MPRIP: variants seen among roughly 807,000 people sequenced by gnomAD.
MPRIP encodes the protein myosin phosphatase Rho interacting protein.
MPRIP carries 59 observed loss-of-function variants against 234.9 expected under a neutral mutation model. The ratio of observed to expected loss-of-function variants is 0.25; its 90% CI spans 0.20 to 0.31. The LOEUF (loss-of-function observed/expected upper bound fraction) is 0.31, where lower values mean the gene tolerates loss of function less well. Ranked by LOEUF, MPRIP falls within the 10% of genes least tolerant of loss-of-function variation. The pLI is 1.00. For missense variants in MPRIP, 2,436 were observed against 3,071.0 expected (o/e 0.79, Z 4.89); for synonymous variants, 1,144 against 1,263.9 (o/e 0.91, Z 2.01).
intron 5 of MPRIP, among the ~76,000 whole-genome samples, chr17:17,132,698 C>A (rs2090621269): frequency 6.6e-6 from 1 of 152,230 alleles, no homozygotes; most frequent in Non-Finnish European, 1.5e-5. Flanking sequence ...CTGATGGAGT[C>A]AGCCTGGGCC....
rs1413235449 is a variant in MPRIP, at chr17:17,191,768, CAGCTAGG to C, written c.*6876_*6882del. On this transcript the variant is annotated 3_prime_UTR_variant, in exon 24 of 24. Coordinates refer to ENST00000651222, the MANE Select transcript of MPRIP (RefSeq NM_001364716.4). ...GGTGTCACATCCTTAGTTTTATAGA[CAGCTAGG>C]AATAGATTGTGAAGAACACTCAGTT... 1 of 152,262 alleles carries C rather than the reference CAGCTAGG, an allele frequency of 6.6e-6. No homozygotes were observed. Among genetic ancestry groups the C allele is most frequent in the East Asian group, 1.9e-4 (1 of 5,200 alleles). 9.4% of individuals were successfully genotyped at this position (152,262 alleles called of 1,614,324 possible).
At chr17:17,155,477 C>T (rs568029917) in intron 13 of MPRIP, among the ~76,000 whole-genome samples, 2 of 152,306 alleles carry the variant, frequency 1.3e-5, no homozygotes, top group Admixed American at 6.5e-5. Flanking sequence ...CTCGTGACCT[C>T]AGGTGATCCA....
chr17:17,144,114 G>T (rs1226377756), intron 9 of MPRIP, among the ~76,000 whole-genome samples: 1 of 152,230 alleles, frequency 6.6e-6, no homozygotes, highest in Non-Finnish European at 1.5e-5. Context: ...ATGGGCCTCA[G>T]AGCTATGACA....
intron 14 of MPRIP, among the ~76,000 whole-genome samples, chr17:17,159,621 T>G (rs2045818664): frequency 1.3e-5 from 2 of 152,228 alleles, no homozygotes; most frequent in African/African-American, 2.4e-5. Context: ...GCCCCCGAAC[T>G]ATAAAATAAG....
intron 15 of MPRIP, among the ~76,000 whole-genome samples, chr17:17,161,714 G>C (rs984742263): frequency 1.3e-5 from 2 of 152,182 alleles, no homozygotes; most frequent in African/African-American, 4.8e-5. Context: ...TTTCACTATA[G>C]TAATATTGGA....
chr17:17,167,678 G>C lies in MPRIP; in HGVS notation c.6087G>C (p.Arg2029Ser). 7.7e-7 allele frequency: 1 copy of C among 1,304,178 alleles called. No homozygotes were observed. The allele number at this position is 1,304,178 out of a possible 1,614,324, so 80.8% of individuals were successfully genotyped here. The change falls in exon 16 of 24, where the codon AGG becomes AGC. Residue 2029 changes from arginine to serine, a missense_variant. By Grantham distance (110) the Arg-to-Ser change is moderately radical. Around this residue, in one of 4 missense-constraint regions of MPRIP, gnomAD observed 1,998 missense variants for 2,520.3 expected, o/e 0.79. Coordinates refer to ENST00000651222, the MANE Select transcript of MPRIP (RefSeq NM_001364716.4). The surrounding 1 kb of genome is among the most constrained non-coding windows in gnomAD (Gnocchi z 5.9). ...TLQEHYSQSL[R>S]CLQDTLCLHQ... ...AGGAGCACTACTCGCAGAGCCTGAGGTGCCTTCAGGACACCCTCTGCCTCC... is the reference window on the plus strand; with the variant it reads ...AGGAGCACTACTCGCAGAGCCTGAGCTGCCTTCAGGACACCCTCTGCCTCC...
At chr17:17,098,430 C>G (rs2089893747) in intron 3 of MPRIP, among the ~76,000 whole-genome samples, 1 of 152,174 alleles carries the variant, frequency 6.6e-6, no homozygotes, top group Non-Finnish European at 1.5e-5. Context: ...CTTCTCTCCC[C>G]CGACCCTCGG....
chr17:17,166,906 C>T lies in MPRIP; in HGVS notation c.5315C>T (p.Pro1772Leu). 2 of 1,304,214 alleles carry T rather than the reference C, an allele frequency of 1.5e-6. No individual in the cohort carries two copies. The highest frequency in any genetic ancestry group is 1.0e-6 in the Non-Finnish European group (1 of 988,958). The allele number at this position is 1,304,214 out of a possible 1,614,324, so 80.8% of individuals were successfully genotyped here. Residue 1772 changes from proline (P) to leucine (L), a missense_variant, in exon 16 of 24, where the codon CCT becomes CTT. This residue lies in a region of MPRIP where 1,998 missense variants were observed against 2,520.3 expected (regional missense o/e 0.79). Transcript: ENST00000651222. The surrounding 1 kb of genome is among the most constrained non-coding windows in gnomAD (Gnocchi z 4.4). ...QEPFDVSDQS[P>L]GAFVAIQEEL... The stretch of plus-strand genomic sequence containing the variant: ...CCCTTCGATGTGTCTGACCAGAGCC[C>T]TGGGGCCTTTGTTGCTATTCAGGAG...
intron 1 of MPRIP, among the ~76,000 whole-genome samples, chr17:17,045,223 A>C (rs1382148514): frequency 6.6e-6 from 1 of 152,200 alleles, no homozygotes; most frequent in Non-Finnish European, 1.5e-5. Flanking sequence ...TACTGGGCCC[A>C]GGGAGGTGGT....
intron 1 of MPRIP, among the ~76,000 whole-genome samples, chr17:17,073,479 G>A (rs1051465934): frequency 1.3e-5 from 2 of 152,226 alleles, no homozygotes; most frequent in African/African-American, 2.4e-5. Flanking sequence ...GGTAAATGTA[G>A]CTGATTATGT....
intron 3 of MPRIP, among the ~76,000 whole-genome samples, chr17:17,099,368 G>A (rs2089913259): frequency 6.6e-6 from 1 of 152,214 alleles, no homozygotes; most frequent in Non-Finnish European, 1.5e-5. Flanking sequence ...ATGAGGAAAT[G>A]TGAAAAGTCC....
At chr17:17,055,337 C>T (rs576871248) in intron 1 of MPRIP, among the ~76,000 whole-genome samples, 7 of 152,236 alleles carry the variant, frequency 4.6e-5, no homozygotes, top group Non-Finnish European at 8.8e-5. Context: ...ATCCTTGTGC[C>T]GGGCCTGGTT....
intron 3 of MPRIP, chr17:17,096,758 C>A: frequency 4.2e-6 from 2 of 471,156 alleles, no homozygotes; most frequent in Non-Finnish European, 4.4e-6. Flanking sequence ...TTTCCTTTTC[C>A]TCACTCCAGA....
At chr17:17,144,331 G>A (rs1197082941) in intron 9 of MPRIP, among the ~76,000 whole-genome samples, 1 of 152,230 alleles carries the variant, frequency 6.6e-6, no homozygotes, top group Non-Finnish European at 1.5e-5. Context: ...AGATTGATGT[G>A]TAACATGGAG....
At position 17,138,127 on chromosome 17, in the gene MPRIP, C is replaced by T. The variant is rs189495954; in HGVS notation, c.948C>T (p.Ser316=). The part of the protein sequence containing the change: ...PSQELGGPLP[S]PGPRLPHQMV... ...AGGAGCTCGGTGGTCCTCTTCCTTC[C>T]CCAGGTCCTCGACTCCCCCACCAAA... Residue 316 remains serine, a synonymous_variant, in exon 7 of 24, where the codon TCC becomes TCT. Coordinates refer to ENST00000651222, the MANE Select transcript of MPRIP (RefSeq NM_001364716.4). This position sits in a 1 kb window ranked among gnomAD's most constrained non-coding sequence, Gnocchi z 5.8. 2.0e-5 allele frequency: 29 copies of T among 1,485,956 alleles called. No homozygotes were observed. In the African/African-American group the frequency reaches 3.8e-4, roughly 20 times the overall value. The allele number at this position is 1,485,956 out of a possible 1,614,324, so 92.0% of individuals were successfully genotyped here.
chr17:17,103,575 G>GT (rs1463099075), intron 3 of MPRIP, among the ~76,000 whole-genome samples: 1 of 152,128 alleles, frequency 6.6e-6, no homozygotes, highest in East Asian at 1.9e-4. Context: ...GGCTTTTGCT[G>GT]TTAAAAAAAA....
chr17:17,149,338 C>T (rs1421116612), intron 11 of MPRIP, among the ~76,000 whole-genome samples: 1 of 152,044 alleles, frequency 6.6e-6, no homozygotes, highest in Admixed American at 6.6e-5. Flanking sequence ...ACTAAAAATA[C>T]AAAAATTAGC....
chr17:17,084,976 G>C (rs2089552549), intron 3 of MPRIP, among the ~76,000 whole-genome samples: 1 of 152,248 alleles, frequency 6.6e-6, no homozygotes, highest in African/African-American at 2.4e-5. Context: ...AGGACAGGAA[G>C]GGGCAAGACA....
intron 3 of MPRIP, among the ~76,000 whole-genome samples, chr17:17,093,675 A>G (rs1019387562): frequency 2.0e-5 from 3 of 152,260 alleles, no homozygotes; most frequent in Non-Finnish European, 4.4e-5. Flanking sequence ...AAAGTCAGAT[A>G]TGTAACCACA....
Sources: gnomAD v4.1 joint callset for allele counts (sites outside exome capture counted in the v4.1 genomes callset) on GRCh38, gnomAD v4.1.1 for gene constraint, gnomAD v4.1.1 regional missense constraint, Gnocchi (gnomAD v3.1) non-coding constraint, MANE v1.5 for transcripts, NCBI Gene and HGNC (gene_info 2026-07-23, HGNC 2026-07-21) for gene names.